CAMKMT: variants seen among roughly 807,000 people sequenced by gnomAD.
The protein encoded by CAMKMT is calmodulin-lysine N-methyltransferase.
Under a neutral mutation model 48.0 loss-of-function variants are expected in CAMKMT, and 53 were observed. That is an observed-to-expected ratio of 1.10 (90% CI 0.89 to 1.39). CAMKMT has a LOEUF of 1.39. Ranked by LOEUF, CAMKMT falls within the 40% of genes most tolerant of loss-of-function variation. The pLI is 0.00. For synonymous variants in CAMKMT, 165 were observed against 152.3 expected (o/e 1.08, Z -0.61); for missense variants, 428 against 402.7 (o/e 1.06, Z -0.54).
At chr2:44,388,777 G>T (rs552808340) in intron 2 of CAMKMT, among the ~76,000 whole-genome samples, 2 of 152,198 alleles carry the variant, frequency 1.3e-5, no homozygotes, top group Admixed American at 6.5e-5. Context: ...GTCTCTCCTG[G>T]GTTCTAGCTA....
intron 3 of CAMKMT, among the ~76,000 whole-genome samples, chr2:44,416,620 C>T (rs562222989): frequency 1.6e-5 from 2 of 124,272 alleles, no homozygotes; most frequent in South Asian, 5.1e-4. Flanking sequence ...GTCGCCTAGG[C>T]TGGAGTGCAA....
chr2:44,594,103 C>G (rs1670499462), intron 3 of CAMKMT, among the ~76,000 whole-genome samples: 2 of 152,062 alleles, frequency 1.3e-5, no homozygotes, highest in African/African-American at 4.8e-5. Context: ...ATACAACTTA[C>G]AAGGGTTGTG....
At chr2:44,670,669 A>T (rs532666598) in intron 3 of CAMKMT, among the ~76,000 whole-genome samples, 94 of 152,188 alleles carry the variant, frequency 6.2e-4, no homozygotes, top group African/African-American at 2.2e-3. Context: ...TCTAAAAAAT[A>T]AATAAATAAA....
intron 3 of CAMKMT, among the ~76,000 whole-genome samples, chr2:44,576,241 T>G (rs1167905632): frequency 6.6e-6 from 1 of 151,098 alleles, no homozygotes; most frequent in Non-Finnish European, 1.5e-5. Flanking sequence ...GGCAGGAGAA[T>G]TGCTTGAACC....
chr2:44,635,013 C>T (rs960953832), intron 3 of CAMKMT, among the ~76,000 whole-genome samples: 1 of 152,098 alleles, frequency 6.6e-6, no homozygotes, highest in African/African-American at 2.4e-5. Flanking sequence ...TTTGAGGTTA[C>T]AATGAACTAT....
At chr2:44,378,363 A>G (rs1390285333) in intron 2 of CAMKMT, among the ~76,000 whole-genome samples, 1 of 152,244 alleles carries the variant, frequency 6.6e-6, no homozygotes, top group African/African-American at 2.4e-5. Context: ...GAAACCATCT[A>G]CTAATTTCCT....
chr2:44,423,380 A>G (rs1684060726), intron 3 of CAMKMT, among the ~76,000 whole-genome samples: 1 of 152,012 alleles, frequency 6.6e-6, no homozygotes, highest in African/African-American at 2.4e-5. Flanking sequence ...GGGTGTTACC[A>G]TATTGGCCAC....
At chr2:44,429,996 C>G (rs1255649705) in intron 3 of CAMKMT, among the ~76,000 whole-genome samples, 1 of 151,818 alleles carries the variant, frequency 6.6e-6, no homozygotes, top group Non-Finnish European at 1.5e-5. Context: ...TAATCCAGGA[C>G]TCTTTATAGA....
chr2:44,442,141 C>T (rs1456491145), intron 3 of CAMKMT, among the ~76,000 whole-genome samples: 3 of 152,014 alleles, frequency 2.0e-5, no homozygotes, highest in African/African-American at 7.2e-5. Context: ...TCATTTTTAC[C>T]CAAGCAAGAC....
At chr2:44,585,520 A>T (rs1283631046) in intron 3 of CAMKMT, among the ~76,000 whole-genome samples, 2 of 152,200 alleles carry the variant, frequency 1.3e-5, no homozygotes, top group Non-Finnish European at 2.9e-5. Context: ...TTGTTTTATA[A>T]ATACATATCC....
intron 7 of CAMKMT, among the ~76,000 whole-genome samples, chr2:44,736,103 A>G (rs527789863): frequency 2.0e-5 from 3 of 152,272 alleles, no homozygotes; most frequent in South Asian, 4.1e-4. Flanking sequence ...ATATTTACCT[A>G]TATAGTTAGT....
chr2:44,579,689 T>A (rs1332435105), intron 3 of CAMKMT, among the ~76,000 whole-genome samples: 2 of 152,202 alleles, frequency 1.3e-5, no homozygotes, highest in Non-Finnish European at 2.9e-5. Flanking sequence ...GTCTCTTATC[T>A]ACATGGAAAG....
intron 3 of CAMKMT, among the ~76,000 whole-genome samples, chr2:44,439,641 A>G (rs1666513518): frequency 2.0e-5 from 3 of 151,924 alleles, no homozygotes; most frequent in Non-Finnish European, 2.9e-5. Flanking sequence ...GATCGAGACC[A>G]TCCTGGCTAA....
At chr2:44,628,498 A>G (rs1672622938) in intron 3 of CAMKMT, among the ~76,000 whole-genome samples, 1 of 150,742 alleles carries the variant, frequency 6.6e-6, no homozygotes, top group African/African-American at 2.4e-5. Flanking sequence ...AAATTTTTCT[A>G]GCTTCTGAAA....
At chr2:44,470,414 G>A (rs934490899) in intron 3 of CAMKMT, among the ~76,000 whole-genome samples, 2 of 152,148 alleles carry the variant, frequency 1.3e-5, no homozygotes, top group Admixed American at 6.5e-5. Context: ...GGGCAGTAGT[G>A]TCTCTCATTT....
intron 3 of CAMKMT, among the ~76,000 whole-genome samples, chr2:44,596,084 A>G (rs1014995557): frequency 5.3e-5 from 8 of 152,018 alleles, no homozygotes; most frequent in East Asian, 1.9e-4. Context: ...GTATATACCT[A>G]TGTAACAAAC....
At chr2:44,532,075 G>T (rs1044273219) in intron 3 of CAMKMT, among the ~76,000 whole-genome samples, 1 of 152,132 alleles carries the variant, frequency 6.6e-6, no homozygotes, top group Non-Finnish European at 1.5e-5. Context: ...GTATATGTAG[G>T]TATGTACATG....
At chr2:44,718,978 G>C (rs1402703868) in intron 7 of CAMKMT, among the ~76,000 whole-genome samples, 1 of 152,158 alleles carries the variant, frequency 6.6e-6, no homozygotes, top group Admixed American at 6.6e-5. Flanking sequence ...CTGAGACTCA[G>C]TTTCCTTTAG....
At chr2:44,586,826 A>G (rs1186410141) in intron 3 of CAMKMT, among the ~76,000 whole-genome samples, 4 of 152,218 alleles carry the variant, frequency 2.6e-5, no homozygotes, top group Admixed American at 6.5e-5. Context: ...GTAAATACAT[A>G]GGAGTAGAAA....
Sources: allele counts gnomAD v4.1 joint callset (sites outside exome capture counted in the v4.1 genomes callset), GRCh38; gene constraint gnomAD v4.1.1; transcripts MANE v1.5; gene names NCBI Gene and HGNC (gene_info 2026-07-23, HGNC 2026-07-21).